GPC5: variants seen among roughly 807,000 people sequenced by gnomAD.
The protein encoded by GPC5 is glypican 5.
GPC5 carries 47 observed loss-of-function variants against 53.9 expected under a neutral mutation model. That is an observed-to-expected ratio of 0.87 (90% CI 0.69 to 1.11). The LOEUF is 1.11. GPC5 is among the 50% of genes most tolerant of loss of function. The pLI is 0.00. For synonymous variants in GPC5, 286 were observed against 263.3 expected (o/e 1.09, Z -0.84); for missense variants, 748 against 713.1 (o/e 1.05, Z -0.56).
intron 7 of GPC5, among the ~76,000 whole-genome samples, chr13:92,523,599 AT>A (rs1204748100): frequency 6.6e-6 from 1 of 152,124 alleles, no homozygotes; most frequent in Non-Finnish European, 1.5e-5. Context: ...GGTCTTCCAA[AT>A]AACTATTTTA....
At chr13:92,509,911 C>T (rs1175063117) in intron 7 of GPC5, 2 of 152,072 alleles carry the variant, frequency 1.3e-5, no homozygotes, top group African/African-American at 4.8e-5. Flanking sequence ...TCCTGAATTG[C>T]TACACTTTAA....
chr13:91,870,025 T>A (rs1221113876), intron 5 of GPC5, among the ~76,000 whole-genome samples: 1 of 152,132 alleles, frequency 6.6e-6, no homozygotes, highest in East Asian at 1.9e-4. Flanking sequence ...CAAAACCATA[T>A]CACATAATAT....
rs749537880 is a variant in GPC5 at position 92,609,400 on chromosome 13, C to A, written c.1562-256882C>A. Among the ~76,000 whole-genome samples, 7 of 152,194 alleles carry A rather than the reference C, an allele frequency of 4.6e-5. No individual in the cohort carries two copies. The East Asian group carries it at 1.4e-3, about 29-fold the overall frequency. Reference sequence around the variant, plus strand: ...TTTTTGAAGGAAAAATAATACCTGTCTAGCAGGTTTGTTCTAAGATTCTAA... The same window carrying A: ...TTTTTGAAGGAAAAATAATACCTGTATAGCAGGTTTGTTCTAAGATTCTAA... On this transcript the variant is annotated intron_variant, in intron 7 of 7. Coordinates refer to ENST00000377067, the MANE Select transcript of GPC5 (RefSeq NM_004466.6).
intron 7 of GPC5, among the ~76,000 whole-genome samples, chr13:92,298,283 T>C (rs1446751532): frequency 6.6e-6 from 1 of 152,104 alleles, no homozygotes; most frequent in Non-Finnish European, 1.5e-5. Flanking sequence ...CTTTCCTCCT[T>C]CCCCTGACTG....
chr13:92,210,080 G>A (rs577599527), intron 7 of GPC5, among the ~76,000 whole-genome samples: 7 of 152,068 alleles, frequency 4.6e-5, no homozygotes, highest in East Asian at 1.9e-4. Context: ...AGGGTGGATC[G>A]GCCTTTCCCA....
chr13:92,317,960 T>C (rs1257962643), intron 7 of GPC5, among the ~76,000 whole-genome samples: 1 of 152,230 alleles, frequency 6.6e-6, no homozygotes, highest in Non-Finnish European at 1.5e-5. Context: ...GAATACATTA[T>C]ATTTCAGAAG....
intron 7 of GPC5, among the ~76,000 whole-genome samples, chr13:92,561,132 T>C (rs564338459): frequency 6.6e-6 from 1 of 152,038 alleles, no homozygotes; most frequent in East Asian, 1.9e-4. Context: ...AAATCCTTCT[T>C]CGGTGAAGTA....
intron 6 of GPC5, among the ~76,000 whole-genome samples, chr13:92,126,053 G>A (rs1330326270): frequency 1.4e-5 from 2 of 139,254 alleles, no homozygotes; most frequent in Non-Finnish European, 3.0e-5. Context: ...CTCCTGGGTT[G>A]GAGTGATTCT....
chr13:91,849,943 G>A (rs2038894707), intron 5 of GPC5, among the ~76,000 whole-genome samples: 1 of 152,128 alleles, frequency 6.6e-6, no homozygotes, highest in East Asian at 1.9e-4. Context: ...AAATTGTAAA[G>A]GTTATTGCTC....
At chr13:91,845,418 A>C (rs969634740) in intron 5 of GPC5, among the ~76,000 whole-genome samples, 5 of 152,188 alleles carry the variant, frequency 3.3e-5, no homozygotes, top group Admixed American at 1.3e-4. Flanking sequence ...TCCATTGTGA[A>C]ATGACTACCA....
chr13:92,006,259 A>T (rs941477847), intron 6 of GPC5, among the ~76,000 whole-genome samples: 1 of 152,154 alleles, frequency 6.6e-6, no homozygotes, highest in East Asian at 1.9e-4. Context: ...AAATGTACCA[A>T]AATAATTTAA....
intron 2 of GPC5, among the ~76,000 whole-genome samples, chr13:91,503,830 T>C (rs1432990950): frequency 3.0e-5 from 4 of 133,854 alleles, no homozygotes; most frequent in African/African-American, 1.2e-4. Context: ...CAGGCTGTTG[T>C]GGCACATTAG....
At chr13:92,611,387 C>A (rs1262189488) in intron 7 of GPC5, among the ~76,000 whole-genome samples, 3 of 152,094 alleles carry the variant, frequency 2.0e-5, no homozygotes, top group African/African-American at 7.2e-5. Context: ...CTGAAAATGA[C>A]TGCTGAGATT....
chr13:92,468,884 T>G (rs1030399264), intron 7 of GPC5, among the ~76,000 whole-genome samples: 1 of 152,168 alleles, frequency 6.6e-6, no homozygotes, highest in Non-Finnish European at 1.5e-5. Context: ...TTTGCCTTGC[T>G]GTTTTCTCAG....
intron 7 of GPC5, among the ~76,000 whole-genome samples, chr13:92,479,766 C>T (rs911435210): frequency 1.3e-5 from 2 of 152,166 alleles, no homozygotes; most frequent in African/African-American, 2.4e-5. Context: ...AAGTGATTGA[C>T]ATCTGATAGG....
At chr13:92,748,489 G>T (rs940739625) in intron 7 of GPC5, among the ~76,000 whole-genome samples, 29 of 151,684 alleles carry the variant, frequency 1.9e-4, no homozygotes, top group African/African-American at 6.8e-4. Context: ...CCTGCTAATT[G>T]TTTGTAATTT....
intron 7 of GPC5, among the ~76,000 whole-genome samples, chr13:92,478,833 A>G (rs865859711): frequency 5.9e-5 from 9 of 152,146 alleles, no homozygotes; most frequent in African/African-American, 2.2e-4. Flanking sequence ...AAGAAATCTT[A>G]TACTCTTGCT....
chr13:91,839,286 A>G (rs1260110362), intron 5 of GPC5, among the ~76,000 whole-genome samples: 2 of 152,126 alleles, frequency 1.3e-5, no homozygotes, highest in East Asian at 3.9e-4. Flanking sequence ...TAAAATTTAT[A>G]TTCATATTTC....
chr13:92,476,043 G>A (rs1879113663), intron 7 of GPC5, among the ~76,000 whole-genome samples: 1 of 152,090 alleles, frequency 6.6e-6, no homozygotes, highest in Non-Finnish European at 1.5e-5. Flanking sequence ...ATTGAGAAAT[G>A]GGATCTAATT....
Sources: gnomAD v4.1 joint callset for allele counts (sites outside exome capture counted in the v4.1 genomes callset) on GRCh38, gnomAD v4.1.1 for gene constraint, MANE v1.5 for transcripts, NCBI Gene and HGNC (gene_info 2026-07-23, HGNC 2026-07-21) for gene names.